Variants in IQCK observed in about 807,000 individuals in gnomAD.
The protein encoded by IQCK is IQ domain-containing protein K.
Under a neutral mutation model 28.1 loss-of-function variants are expected in IQCK, and 29 were observed. That is an observed-to-expected ratio of 1.03 (90% CI 0.77 to 1.41). The LOEUF is 1.41. Ranked by LOEUF, IQCK falls within the 40% of genes most tolerant of loss-of-function variation. IQCK has a pLI of 0.00. For synonymous variants in IQCK, 113 were observed against 115.1 expected (o/e 0.98, Z 0.12); for missense variants, 359 against 314.7 (o/e 1.14, Z -1.07).
At chr16:19,744,768 G>A (rs1311929549) in intron 4 of IQCK, among the ~76,000 whole-genome samples, 1 of 152,186 alleles carries the variant, frequency 6.6e-6, no homozygotes, top group East Asian at 1.9e-4. Flanking sequence ...GTTTTGCTGT[G>A]AAATTAGCTG....
intron 6 of IQCK, among the ~76,000 whole-genome samples, chr16:19,765,603 G>A (rs1274295061): frequency 6.6e-6 from 1 of 152,032 alleles, no homozygotes; most frequent in African/African-American, 2.4e-5. Context: ...CCCTCTTTGA[G>A]AATACCAAGA....
chr16:19,779,893 A>G (rs975276272), intron 6 of IQCK, among the ~76,000 whole-genome samples: 3 of 148,502 alleles, frequency 2.0e-5, no homozygotes, highest in African/African-American at 5.0e-5. Flanking sequence ...AATTTTTTGT[A>G]TTTTTAGTAG....
chr16:19,805,238 G>T (rs554357035), intron 7 of IQCK, among the ~76,000 whole-genome samples: 1 of 124,682 alleles, frequency 8.0e-6, no homozygotes, highest in Admixed American at 7.0e-5. Context: ...ATCTGGCACA[G>T]AGAATGGCCA....
intron 4 of IQCK, among the ~76,000 whole-genome samples, chr16:19,752,827 G>T (rs9930596): frequency 6.6e-6 from 1 of 152,150 alleles, no homozygotes; most frequent in Admixed American, 6.5e-5. Flanking sequence ...GCCTCCCAAA[G>T]TGTTGCGATT....
rs537678469 is a variant in IQCK, at chr16:19,842,713, C to T, written c.803-13774C>T. On this transcript the variant is annotated intron_variant, in intron 9 of 9. Coordinates refer to the IQCK transcript ENST00000320394. The stretch of plus-strand genomic sequence containing the variant: ...TCAATGTGAAACTCATTTATAGCAA[C>T]GTCTTAAACGCTATAGTTAGCATAT... Among the ~76,000 whole-genome samples the T allele has an allele frequency of 2.6e-5, 4 of 152,278 alleles. No homozygotes were observed. The South Asian group carries it at 6.2e-4, about 24-fold the overall frequency.
At chr16:19,805,828 G>A (rs927049856) in intron 7 of IQCK, among the ~76,000 whole-genome samples, 6 of 152,144 alleles carry the variant, frequency 3.9e-5, no homozygotes, top group Admixed American at 1.3e-4. Context: ...TATCCCCAAA[G>A]GCTCGGAGGC....
At chr16:19,737,878 A>G (rs1207039858) in intron 4 of IQCK, among the ~76,000 whole-genome samples, 1 of 152,048 alleles carries the variant, frequency 6.6e-6, no homozygotes, top group Non-Finnish European at 1.5e-5. Context: ...TCTTCTCTGC[A>G]TATTTAACTT....
Position 19,745,975 on chromosome 16 carries a change from C to T in IQCK, c.474+10525C>T, listed in dbSNP as rs141620827. The stretch of plus-strand genomic sequence containing the variant: ...AAAAGCAAAAGTGCAAAGCCAAGAC[C>T]TGGAACATGACTTCCACCAAGTTCT... On this transcript the variant is annotated intron_variant, in intron 4 of 7. Coordinates refer to ENST00000564186, the Ensembl canonical transcript of IQCK. Among the ~76,000 whole-genome samples, 715 of 152,224 alleles carry T rather than the reference C, an allele frequency of 4.7e-3. 5 individuals carry two copies. The highest frequency in any genetic ancestry group is 0.017 in the African/African-American group (698 of 41,544).
At chr16:19,779,831 C>A (rs2055451704) in intron 6 of IQCK, among the ~76,000 whole-genome samples, 1 of 150,914 alleles carries the variant, frequency 6.6e-6, no homozygotes, top group African/African-American at 2.4e-5. Flanking sequence ...CATTCTCCTG[C>A]CTCAGCCTCC....
chr16:19,803,232 T>G (rs112966504), intron 7 of IQCK, among the ~76,000 whole-genome samples: 8,558 of 152,222 alleles, frequency 0.056, 764 homozygotes, highest in African/African-American at 0.19. Flanking sequence ...AACCTCCACC[T>G]CCCAGGTTCA....
chr16:19,720,987 G>A (rs933600207), intron 1 of IQCK, among the ~76,000 whole-genome samples: 5 of 151,636 alleles, frequency 3.3e-5, no homozygotes, highest in African/African-American at 1.2e-4. Flanking sequence ...ACTCCAGCCT[G>A]GGCAACAAAG....
intron 9 of IQCK, among the ~76,000 whole-genome samples, chr16:19,853,335 G>A (rs1223302882): frequency 2.0e-5 from 3 of 152,120 alleles, no homozygotes; most frequent in Admixed American, 1.3e-4. Context: ...CATGAACAAG[G>A]TCCCTAGCTC....
At chr16:19,828,423 A>G (rs1331613447), downstream of IQCK, among the ~76,000 whole-genome samples, 1 of 147,836 alleles carries the variant, frequency 6.8e-6, no homozygotes, top group Non-Finnish European at 1.5e-5. Flanking sequence ...TAGTAGAGAC[A>G]GGGTGTCACC....
In IQCK at chr16:19,771,053, T is replaced by G. The variant is rs192284300; in HGVS notation, c.605+6941T>G. ...TTAATCGCATCTGCAAAGTTTCTTT[T>G]GCCATTGTCAGGTAAATATTCACAG... On this transcript the variant is annotated intron_variant, in intron 6 of 7. Transcript: ENST00000564186. Among the ~76,000 whole-genome samples the G allele has an allele frequency of 4.6e-5, 7 of 152,332 alleles. No homozygotes were observed. In the East Asian group the frequency reaches 1.3e-3, roughly 29 times the overall value.
At chr16:19,781,707 G>A (rs1049349358) in intron 6 of IQCK, among the ~76,000 whole-genome samples, 1 of 152,128 alleles carries the variant, frequency 6.6e-6, no homozygotes, top group African/African-American at 2.4e-5. Context: ...GTGATGCCTC[G>A]GCAGGGCGTG....
At chr16:19,751,793 C>T (rs1022062148) in intron 4 of IQCK, among the ~76,000 whole-genome samples, 1 of 151,966 alleles carries the variant, frequency 6.6e-6, no homozygotes. Flanking sequence ...TAATTTTGAT[C>T]CTGAGATCAA....
intron 4 of IQCK, among the ~76,000 whole-genome samples, chr16:19,744,427 G>C (rs965402718): frequency 6.6e-6 from 1 of 152,118 alleles, no homozygotes; most frequent in African/African-American, 2.4e-5. Flanking sequence ...CAGTGCACCT[G>C]GCCCATCTTA....
intron 4 of IQCK, among the ~76,000 whole-genome samples, chr16:19,758,126 A>G (rs1286214566): frequency 2.6e-5 from 4 of 152,230 alleles, no homozygotes; most frequent in Admixed American, 2.0e-4. Context: ...CCCACATTAC[A>G]TAAACCCTGG....
chr16:19,751,082 G>A (rs1011848404), intron 4 of IQCK, among the ~76,000 whole-genome samples: 1 of 152,088 alleles, frequency 6.6e-6, no homozygotes, highest in Non-Finnish European at 1.5e-5. Context: ...GTGAGCCTCA[G>A]TTTTCTTATC....
Sources: gnomAD v4.1 joint callset for allele counts (sites outside exome capture counted in the v4.1 genomes callset) on GRCh38, gnomAD v4.1.1 for gene constraint, MANE v1.5 for transcripts, NCBI Gene and HGNC (gene_info 2026-07-23, HGNC 2026-07-21) for gene names.